Variants in RIIAD1 observed in about 807,000 individuals in gnomAD.
RIIAD1 encodes RIIa domain-containing protein 1.
RIIAD1 carries 15 observed loss-of-function variants against 13.3 expected under a neutral mutation model. The ratio of observed to expected loss-of-function variants is 1.13; its 90% CI spans 0.76 to 1.74. The LOEUF is 1.74. Ranked by LOEUF, RIIAD1 falls within the 40% of genes most tolerant of loss-of-function variation. The pLI is 0.00. For missense variants in RIIAD1, 121 were observed against 112.2 expected (o/e 1.08, Z -0.35); for synonymous variants, 50 against 43.3 (o/e 1.16, Z -0.61).
intron 4 of RIIAD1, chr1:151,715,570 C>G (rs1208384669): frequency 7.4e-7 from 1 of 1,360,528 alleles, no homozygotes; most frequent in Non-Finnish European, 9.7e-7. Context: ...CAAACCAGCT[C>G]TCTTGTCCCT....
At chr1:151,716,300 C>T (rs1673473989) in intron 4 of RIIAD1, 1 of 416,816 alleles carries the variant, frequency 2.4e-6, no homozygotes, top group Non-Finnish European at 4.3e-6. Flanking sequence ...GGCAAATGTC[C>T]CAGGATGGGG....
chr1:151,721,334 A>G (rs1050122772), upstream of RIIAD1, among the ~76,000 whole-genome samples: 7 of 152,152 alleles, frequency 4.6e-5, no homozygotes, highest in Admixed American at 6.5e-5. Context: ...TCCACATACA[A>G]TTAAGTCCAG....
intron 2 of RIIAD1, among the ~76,000 whole-genome samples, chr1:151,726,867 G>T (rs1305120782): frequency 6.6e-6 from 1 of 152,106 alleles, no homozygotes. Flanking sequence ...ATCTCCCTCT[G>T]CCCCTTGAAT....
At chr1:151,717,796 G>A (rs572561422), upstream of RIIAD1, among the ~76,000 whole-genome samples, 2 of 152,326 alleles carry the variant, frequency 1.3e-5, no homozygotes, top group Admixed American at 1.3e-4. Context: ...AGAAGAGCAG[G>A]GGAGGCACAT....
At chr1:151,713,064 C>T (rs1485409122) in intron 2 of RIIAD1, among the ~76,000 whole-genome samples, 1 of 152,232 alleles carries the variant, frequency 6.6e-6, no homozygotes, top group Non-Finnish European at 1.5e-5. Context: ...CTTCAAACCC[C>T]TTGGATGGGG....
intron 4 of RIIAD1, chr1:151,715,851 C>T: frequency 6.2e-7 from 1 of 1,605,554 alleles, no homozygotes; most frequent in Non-Finnish European, 8.5e-7. Flanking sequence ...ACCCCGAAGC[C>T]TCTTCAGCCT....
chr1:151,727,541 T>G (rs1230137300), intron 2 of RIIAD1, 34 bp from the exon 3 acceptor site: 1 of 1,465,952 alleles, frequency 6.8e-7, no homozygotes, highest in East Asian at 2.5e-5. Flanking sequence ...TAAAGTCTAC[T>G]TTACCTCCCA....
intron 1 of RIIAD1, 94 bp downstream of exon 1, chr1:151,721,714 G>A (rs1673739374): frequency 2.9e-6 from 2 of 690,900 alleles, no homozygotes; most frequent in South Asian, 3.9e-5. Context: ...CGAGAGAAGG[G>A]GAGCGGGAGC....
intron 2 of RIIAD1, among the ~76,000 whole-genome samples, chr1:151,713,006 A>C (rs982710723): frequency 1.3e-5 from 2 of 152,174 alleles, no homozygotes; most frequent in African/African-American, 4.8e-5. Flanking sequence ...CTTAGGGAAG[A>C]CAAAGGGTCA....
At chr1:151,723,855 G>A (rs1048924392) in intron 2 of RIIAD1, among the ~76,000 whole-genome samples, 3 of 152,216 alleles carry the variant, frequency 2.0e-5, no homozygotes, top group African/African-American at 7.2e-5. Flanking sequence ...GCAAAAGAGA[G>A]TTTAGGGATC....
At chr1:151,717,007 C>T (rs891694108), upstream of RIIAD1, among the ~76,000 whole-genome samples, 1 of 152,072 alleles carries the variant, frequency 6.6e-6, no homozygotes, top group Non-Finnish European at 1.5e-5. Flanking sequence ...ATAACCCTTC[C>T]CCCATCTTAC....
At chr1:151,725,580 C>T (rs1388367984) in intron 2 of RIIAD1, among the ~76,000 whole-genome samples, 1 of 152,216 alleles carries the variant, frequency 6.6e-6, no homozygotes, top group African/African-American at 2.4e-5. Flanking sequence ...ACCTTACCAA[C>T]ACCTCACATC....
intron 3 of RIIAD1, chr1:151,728,531 A>G: frequency 2.0e-6 from 1 of 505,398 alleles, no homozygotes; most frequent in Non-Finnish European, 3.5e-6. Context: ...GAGGGGAGGC[A>G]GCCAGCCTCT....
At chr1:151,714,740 AG>A in intron 4 of RIIAD1, 1 of 1,180,342 alleles carries the variant, frequency 8.5e-7, no homozygotes, top group East Asian at 2.6e-5. Flanking sequence ...CCTCTCTGAA[AG>A]GCTCCCTTCC....
chr1:151,714,787 A>G (rs1673330519), intron 4 of RIIAD1: 6 of 771,000 alleles, frequency 7.8e-6, no homozygotes, highest in Non-Finnish European at 1.1e-5. Context: ...CCTTCTTGTC[A>G]TCTTCTGCCT....
intron 2 of RIIAD1, 31 bp from the exon 3 acceptor site, chr1:151,727,544 A>G (rs1001144648): frequency 6.8e-7 from 1 of 1,474,134 alleles, no homozygotes; most frequent in Admixed American, 2.0e-5. Flanking sequence ...AGTCTACTTT[A>G]CCTCCCATCC....
At chr1:151,716,821 C>T (rs748025521), upstream of RIIAD1, 3 of 466,936 alleles carry the variant, frequency 6.4e-6, no homozygotes, top group South Asian at 3.1e-5. Flanking sequence ...TCCACACCCC[C>T]CTCCCCACTC....
In RIIAD1 at chr1:151,728,876, A is replaced by C. The variant is rs923450509; in HGVS notation, c.*40A>C. ...ATGCTCAGCTGTTGGGAGAGACCAG[A>C]CGGAATCCAGCCTCGGGGTGGGTGT... On this transcript the variant is annotated 3_prime_UTR_variant, in exon 4 of 5. Transcript: ENST00000479191. 7 of 1,184,032 alleles carry C rather than the reference A, an allele frequency of 5.9e-6. No homozygotes were observed. The highest frequency in any genetic ancestry group is 7.4e-6 in the Non-Finnish European group (6 of 812,184). 73.3% of individuals were successfully genotyped at this position (1,184,032 alleles called of 1,614,324 possible). A position where few individuals can be genotyped will look rare whatever the true frequency, so the allele number is the denominator to read the frequency against.
upstream of RIIAD1, among the ~76,000 whole-genome samples, chr1:151,720,581 C>CA (rs1261146442): frequency 6.6e-6 from 1 of 152,224 alleles, no homozygotes; most frequent in Non-Finnish European, 1.5e-5. Flanking sequence ...AGAAGCAGAC[C>CA]AATGATAACC....
Sources: gnomAD v4.1 joint callset for allele counts (sites outside exome capture counted in the v4.1 genomes callset) on GRCh38, gnomAD v4.1.1 for gene constraint, MANE v1.5 for transcripts, NCBI Gene and HGNC (gene_info 2026-07-23, HGNC 2026-07-21) for gene names.